Variants in C8orf34 observed in about 807,000 individuals in gnomAD.
C8orf34 encodes uncharacterized protein C8orf34.
In C8orf34, 65 loss-of-function variants were observed where a neutral mutation model predicts 68.3. The observed-to-expected ratio is 0.95, with a 90% CI of 0.78 to 1.17. The LOEUF (loss-of-function observed/expected upper bound fraction) is 1.17. Among genes scored for constraint, C8orf34 ranks in the 50% most tolerant of loss-of-function variants. The pLI, the probability that C8orf34 is intolerant of heterozygous loss-of-function variation, is 0.00. For missense variants in C8orf34, 664 were observed against 655.4 expected, an observed-to-expected ratio of 1.01 and a Z score of -0.14; for synonymous variants, 244 against 241.2, an observed-to-expected ratio of 1.01 and a Z score of -0.11.
intron 3 of C8orf34, among the ~76,000 whole-genome samples, chr8:68,464,828 A>G (rs1440431809): frequency 6.6e-6 from 1 of 152,090 alleles, no homozygotes; most frequent in African/African-American, 2.4e-5. Context: ...TAAATGTTAG[A>G]CCTAAAACCA....
intron 5 of C8orf34, among the ~76,000 whole-genome samples, chr8:68,503,379 C>T (rs567674570): frequency 2.5e-4 from 38 of 152,078 alleles, no homozygotes; most frequent in African/African-American, 7.0e-4. Flanking sequence ...AATGTAGAAG[C>T]GATGTGCCAG....
At position 68,666,714 on chromosome 8, in the gene C8orf34, T is replaced by C. The variant is rs142912004; in HGVS notation, c.1241+26203T>C. On this transcript the variant is annotated intron_variant, in intron 8 of 13. Transcript: ENST00000518698. ...GCAATAAAATTTGCTTGCGTGTATT[T>C]TTCTTGTGTAGGTGTACTCCAAATT... Among the ~76,000 whole-genome samples the C allele has an allele frequency of 4.0e-3, 602 of 152,292 alleles. 7 individuals carry two copies. Among genetic ancestry groups the C allele is most frequent in the African/African-American group, 0.014 (568 of 41,582 alleles).
chr8:68,440,948 G>T (rs1280772989), intron 2 of C8orf34, among the ~76,000 whole-genome samples: 1 of 151,908 alleles, frequency 6.6e-6, no homozygotes, highest in Non-Finnish European at 1.5e-5. Context: ...GGAACTACAG[G>T]CACCCGCCAC....
chr8:68,442,479 G>GT (rs1810952444), intron 2 of C8orf34, among the ~76,000 whole-genome samples: 1 of 152,148 alleles, frequency 6.6e-6, no homozygotes, highest in Non-Finnish European at 1.5e-5. Flanking sequence ...TGGGAGAACA[G>GT]TTTTGCCAAA....
chr8:68,781,046 C>T (rs1157271368), intron 11 of C8orf34, among the ~76,000 whole-genome samples: 1 of 152,028 alleles, frequency 6.6e-6, no homozygotes, highest in Non-Finnish European at 1.5e-5. Flanking sequence ...GTGATTAAAC[C>T]ATTTTGAAAG....
intron 4 of C8orf34, among the ~76,000 whole-genome samples, chr8:68,477,022 G>T (rs1182549000): frequency 6.6e-6 from 1 of 152,128 alleles, no homozygotes; most frequent in Non-Finnish European, 1.5e-5. Context: ...GGATTTTCTT[G>T]TAGCCATAGG....
At chr8:68,462,402 G>C (rs1811881325) in intron 3 of C8orf34, among the ~76,000 whole-genome samples, 4 of 152,034 alleles carry the variant, frequency 2.6e-5, no homozygotes, top group South Asian at 4.1e-4. Context: ...AGTTAACAAG[G>C]ATACCCAGGA....
intron 8 of C8orf34, among the ~76,000 whole-genome samples, chr8:68,688,171 C>A (rs1194804456): frequency 6.6e-6 from 1 of 152,044 alleles, no homozygotes; most frequent in Non-Finnish European, 1.5e-5. Flanking sequence ...AGTTACACTG[C>A]TGGCAGGAAT....
At chr8:68,805,749 G>A (rs1563679895) in intron 12 of C8orf34, among the ~76,000 whole-genome samples, 1 of 152,074 alleles carries the variant, frequency 6.6e-6, no homozygotes, top group African/African-American at 2.4e-5. Context: ...AAAACAACAT[G>A]TAGTTAGGCT....
intron 8 of C8orf34, among the ~76,000 whole-genome samples, chr8:68,659,492 T>A (rs1819608670): frequency 6.6e-6 from 1 of 152,330 alleles, no homozygotes; most frequent in Non-Finnish European, 1.5e-5. Flanking sequence ...TTATGTCTTT[T>A]AAAGTACATT....
intron 1 of C8orf34, among the ~76,000 whole-genome samples, chr8:68,337,722 A>G (rs1805909948): frequency 6.6e-6 from 1 of 152,332 alleles, no homozygotes; most frequent in African/African-American, 2.4e-5. Context: ...TTTAAACAGT[A>G]AATTATGTGA....
At chr8:68,681,687 A>G (rs1160984531) in intron 8 of C8orf34, among the ~76,000 whole-genome samples, 1 of 152,188 alleles carries the variant, frequency 6.6e-6, no homozygotes, top group African/African-American at 2.4e-5. Flanking sequence ...ACAAAAAGGA[A>G]ATCAGTATGT....
At chr8:68,737,424 TA>T (rs1822152522) in intron 10 of C8orf34, among the ~76,000 whole-genome samples, 1 of 151,976 alleles carries the variant, frequency 6.6e-6, no homozygotes, top group Non-Finnish European at 1.5e-5. Flanking sequence ...CATCTCTAAA[TA>T]AAAATCCTTT....
intron 13 of C8orf34, among the ~76,000 whole-genome samples, 185 bp downstream of exon 13, chr8:68,816,130 G>GTGTGTGTGTGTGTT (rs931639121): frequency 1.5e-4 from 20 of 134,844 alleles, no homozygotes; most frequent in African/African-American, 6.0e-4. Flanking sequence ...GTGTGTGTGT[G>GTGTGTGTGTGTGTT]TGTTTCTCTG....
At chr8:68,395,388 CACACACACAA>C (rs869179078) in intron 1 of C8orf34, among the ~76,000 whole-genome samples, 1 of 135,080 alleles carries the variant, frequency 7.4e-6, no homozygotes, top group Non-Finnish European at 1.7e-5. Flanking sequence ...CACACACACA[CACACACACAA>C]ACACACACAC....
chr8:68,442,683 G>C (rs977661850), intron 2 of C8orf34, among the ~76,000 whole-genome samples: 16 of 152,196 alleles, frequency 1.1e-4, no homozygotes, highest in African/African-American at 3.9e-4. Flanking sequence ...GATGTTTGAT[G>C]TGGAATGATT....
intron 4 of C8orf34, among the ~76,000 whole-genome samples, chr8:68,471,080 A>G (rs968055587): frequency 6.6e-6 from 1 of 152,124 alleles, no homozygotes; most frequent in African/African-American, 2.4e-5. Context: ...TTGGGATAAA[A>G]TAAGGGCCAG....
rs1823041014 is a variant in C8orf34 at position 68,762,126 on chromosome 8, A to C, written c.1405-14273A>C. On this transcript the variant is annotated intron_variant, in intron 10 of 13. Coordinates refer to ENST00000518698, the MANE Select transcript of C8orf34 (RefSeq NM_052958.4). ...TGGTGCTTGGCCAAGTCAGTGATTA[A>C]AGATTCTCTTAATTTTCTAAAGTAA... is the stretch of plus-strand genomic sequence containing the variant. Among the ~76,000 whole-genome samples the C allele has an allele frequency of 1.3e-5, 2 of 152,158 alleles. 1 individual carries two copies. Among genetic ancestry groups the C allele is most frequent in the African/African-American group, 4.8e-5 (2 of 41,444 alleles).
intron 8 of C8orf34, among the ~76,000 whole-genome samples, chr8:68,642,964 C>T (rs896635274): frequency 6.6e-6 from 1 of 152,184 alleles, no homozygotes; most frequent in African/African-American, 2.4e-5. Flanking sequence ...TATGGCTGAT[C>T]TGACAGGAGG....
Sources: gnomAD v4.1 joint callset for allele counts (sites outside exome capture counted in the v4.1 genomes callset) on GRCh38, gnomAD v4.1.1 for gene constraint, MANE v1.5 for transcripts, NCBI Gene and HGNC (gene_info 2026-07-23, HGNC 2026-07-21) for gene names.